Variants in MDGA2 observed in about 807,000 individuals in gnomAD.
MDGA2 encodes the protein MAM domain-containing glycosylphosphatidylinositol anchor protein 2.
A neutral mutation model predicts 117.8 loss-of-function variants in MDGA2; 40 were observed. That is an observed-to-expected ratio of 0.34 (90% confidence interval 0.26 to 0.44). MDGA2 has a LOEUF of 0.44. MDGA2 is among the 20% of genes least tolerant of loss of function. The pLI, the probability that MDGA2 is intolerant of heterozygous loss-of-function variation, is 1.00. For synonymous variants in MDGA2, 452 were observed against 439.0 expected (o/e 1.03, Z -0.37); for missense variants, 1,123 against 1,250.6 (o/e 0.90, Z 1.54).
intron 4 of MDGA2, among the ~76,000 whole-genome samples, chr14:47,142,075 G>GTTTT (rs1882743902): frequency 6.6e-6 from 1 of 152,124 alleles, no homozygotes; most frequent in Admixed American, 6.6e-5. Context: ...TACTTTGATA[G>GTTTT]TATGAAAGAT....
chr14:47,415,451 T>C (rs192696476), intron 1 of MDGA2, among the ~76,000 whole-genome samples: 124 of 152,274 alleles, frequency 8.1e-4, no homozygotes, highest in Admixed American at 3.1e-3. Flanking sequence ...ATAAAATATT[T>C]AGAGAGGGAG....
intron 3 of MDGA2, among the ~76,000 whole-genome samples, chr14:47,170,380 G>C (rs1393350306): frequency 6.6e-6 from 1 of 152,128 alleles, no homozygotes; most frequent in Admixed American, 6.5e-5. Context: ...GTTATGATTT[G>C]TCAGAGCCAA....
chr14:47,109,126 A>T (rs1880899267), intron 5 of MDGA2, among the ~76,000 whole-genome samples: 1 of 152,184 alleles, frequency 6.6e-6, no homozygotes, highest in Non-Finnish European at 1.5e-5. Context: ...AATCCAAGCT[A>T]AGCATTTCCA....
intron 1 of MDGA2, among the ~76,000 whole-genome samples, chr14:47,373,944 A>G (rs1389759605): frequency 6.6e-6 from 1 of 152,202 alleles, no homozygotes; most frequent in African/African-American, 2.4e-5. Context: ...ATAATAAGCC[A>G]TCAAAGGATA....
chr14:46,954,747 T>A (rs1885498448), intron 9 of MDGA2, among the ~76,000 whole-genome samples: 1 of 152,096 alleles, frequency 6.6e-6, no homozygotes, highest in African/African-American at 2.4e-5. Flanking sequence ...TAAGTTAATA[T>A]CCACAGGTTC....
intron 1 of MDGA2, among the ~76,000 whole-genome samples, chr14:47,348,140 T>TCC (rs1890798423): frequency 2.4e-5 from 1 of 42,072 alleles, no homozygotes; most frequent in Non-Finnish European, 4.8e-5. Context: ...TTGTGCTCTG[T>TCC]CTCTCTCTCT....
intron 1 of MDGA2, among the ~76,000 whole-genome samples, chr14:47,402,336 GCC>G (rs869212994): frequency 4.2e-5 from 1 of 23,626 alleles, no homozygotes; most frequent in African/African-American, 2.3e-4. Flanking sequence ...AGAAACCCCC[GCC>G]CCCCCACCCC....
rs765744669 is a variant in MDGA2 at position 46,957,503 on chromosome 14, T to A, written c.1960A>T (p.Thr654Ser). 2.5e-6 allele frequency: 4 copies of A among 1,614,094 alleles called. No homozygotes were observed. Among genetic ancestry groups the A allele is most frequent in the Non-Finnish European group, 3.4e-6 (4 of 1,180,004 alleles). The change falls in exon 9 of 17, where the codon ACG becomes TCG. Residue 654 changes from threonine (T) to serine (S), a missense_variant. Thr to Ser is a moderately conservative substitution (Grantham distance 58, BLOSUM62 1). This residue lies in a region of MDGA2 where 890 missense variants were observed against 1,050.3 expected (regional missense o/e 0.85). Coordinates refer to ENST00000399232, the MANE Select transcript of MDGA2 (RefSeq NM_001113498.3). ...TATTCCTGAGAGTCAAATTGACCCG[T>A]CCGTAATAATTTATTGCCCAAGCGC... ...EWRLGNKLLRTGQFDSQEYTE... is the reference protein window; with the variant it reads ...EWRLGNKLLRSGQFDSQEYTE...
intron 2 of MDGA2, among the ~76,000 whole-genome samples, chr14:47,296,091 G>A (rs1198047652): frequency 6.6e-6 from 1 of 152,012 alleles, no homozygotes; most frequent in Non-Finnish European, 1.5e-5. Context: ...GCTGTGCAGT[G>A]GAATATTGAC....
At chr14:46,869,067 C>CT (rs1245800959) in intron 14 of MDGA2, among the ~76,000 whole-genome samples, 1 of 151,894 alleles carries the variant, frequency 6.6e-6, no homozygotes, top group African/African-American at 2.4e-5. Context: ...ATAAGCCCTT[C>CT]TACAATCCCA....
chr14:47,314,455 A>G (rs958054008), intron 1 of MDGA2, among the ~76,000 whole-genome samples: 1 of 152,274 alleles, frequency 6.6e-6, no homozygotes, highest in Non-Finnish European at 1.5e-5. Flanking sequence ...AGGCAGGAGG[A>G]TAACTTAAAG....
intron 1 of MDGA2, among the ~76,000 whole-genome samples, chr14:47,543,150 C>T (rs1895386864): frequency 6.6e-6 from 1 of 152,096 alleles, no homozygotes; most frequent in African/African-American, 2.4e-5. Context: ...GTCGAAGCTG[C>T]TGTAAGCCAT....
At chr14:47,511,784 T>C (rs1036841661) in intron 1 of MDGA2, among the ~76,000 whole-genome samples, 1 of 152,008 alleles carries the variant, frequency 6.6e-6, no homozygotes, top group Non-Finnish European at 1.5e-5. Flanking sequence ...TCAATGCAAC[T>C]GGTAAAGCAG....
chr14:47,588,095 G>A (rs1240862689), intron 1 of MDGA2, among the ~76,000 whole-genome samples: 1 of 151,104 alleles, frequency 6.6e-6, no homozygotes, highest in Non-Finnish European at 1.5e-5. Flanking sequence ...TTATATAAAT[G>A]GCCCATATTT....
At chr14:47,176,124 C>T (rs1477046121) in intron 3 of MDGA2, among the ~76,000 whole-genome samples, 1 of 152,098 alleles carries the variant, frequency 6.6e-6, no homozygotes, top group Admixed American at 6.6e-5. Context: ...AAGAGAACTA[C>T]AAACCACTGC....
At chr14:46,977,975 G>GTT (rs1886531440) in intron 8 of MDGA2, among the ~76,000 whole-genome samples, 6 of 151,724 alleles carry the variant, frequency 4.0e-5, no homozygotes, top group Admixed American at 3.3e-4. Context: ...AGTAGAGGTT[G>GTT]TTTTCTTTCC....
chr14:47,218,430 G>GC (rs1886181176), intron 2 of MDGA2, among the ~76,000 whole-genome samples: 1 of 152,148 alleles, frequency 6.6e-6, no homozygotes, highest in South Asian at 2.1e-4. Context: ...TTCATCAATT[G>GC]CCTAGTCAGT....
At chr14:46,847,818 A>C (rs186436076) in intron 15 of MDGA2, among the ~76,000 whole-genome samples, 1 of 152,098 alleles carries the variant, frequency 6.6e-6, no homozygotes, top group Admixed American at 6.6e-5. Context: ...ATTCATACTT[A>C]TTTAAAGCAC....
At chr14:47,301,308 CACA>C in intron 2 of MDGA2, 100 bp downstream of exon 2, 1 of 1,286,404 alleles carries the variant, frequency 7.8e-7, no homozygotes, top group South Asian at 1.4e-5. Flanking sequence ...CACACACACA[CACA>C]CACACACACA....
Sources: gnomAD v4.1 joint callset for allele counts (sites outside exome capture counted in the v4.1 genomes callset) on GRCh38, gnomAD v4.1.1 for gene constraint, gnomAD v4.1.1 regional missense constraint, MANE v1.5 for transcripts, NCBI Gene and HGNC (gene_info 2026-07-23, HGNC 2026-07-21) for gene names.